SV2C: variants seen among roughly 807,000 people sequenced by gnomAD.
The protein encoded by SV2C is synaptic vesicle glycoprotein 2C, also known as solute carrier family 22 member B3.
A neutral mutation model predicts 79.7 loss-of-function variants in SV2C; 49 were observed. The observed-to-expected ratio is 0.61, with a 90% CI of 0.49 to 0.78. The LOEUF (loss-of-function observed/expected upper bound fraction) is 0.78. Ranked by LOEUF, SV2C falls within the 30% of genes least tolerant of loss-of-function variation. The probability of loss-of-function intolerance (pLI) is 0.00; values close to 1 mark genes in which losing one functional copy is unlikely to be tolerated. For synonymous variants in SV2C, 334 were observed against 333.2 expected (o/e 1.00, Z -0.03); for missense variants, 833 against 912.9 (o/e 0.91, Z 1.13).
chr5:76,145,287 T>C (rs1053890363), intron 2 of SV2C, among the ~76,000 whole-genome samples: 5 of 152,226 alleles, frequency 3.3e-5, no homozygotes, highest in Non-Finnish European at 7.3e-5. Context: ...AGGTACTTAC[T>C]TCAAAGTAGG....
At chr5:75,852,169 TG>T in the SV2C span, among the ~76,000 whole-genome samples, 1 of 151,450 alleles carries the variant, frequency 6.6e-6, no homozygotes, top group Non-Finnish European at 1.5e-5. Flanking sequence ...TGTCAGGTGG[TG>T]GGGGGCTGGG....
chr5:76,122,293 A>G (rs1232555616), intron 1 of SV2C, among the ~76,000 whole-genome samples: 1 of 151,542 alleles, frequency 6.6e-6, no homozygotes, highest in Non-Finnish European at 1.5e-5. Context: ...GGTTTTCTAG[A>G]TATACAATCA....
intron 3 of SV2C, among the ~76,000 whole-genome samples, chr5:76,197,714 A>ATAGATAGATAGATAGATAGATAGG (rs1744312630): frequency 6.6e-6 from 1 of 151,920 alleles, no homozygotes; most frequent in Non-Finnish European, 1.5e-5. Context: ...AGGCAGATAG[A>ATAGATAGATAGATAGATAGATAGG]TAGATAGATA....
At chr5:75,958,980 C>T in the SV2C span, among the ~76,000 whole-genome samples, 2 of 151,904 alleles carry the variant, frequency 1.3e-5, no homozygotes, top group East Asian at 3.9e-4. Context: ...TGATTTATAC[C>T]CATGCCCCCT....
intron 2 of SV2C, among the ~76,000 whole-genome samples, chr5:76,161,114 C>T (rs1580317495): frequency 6.6e-6 from 1 of 152,094 alleles, no homozygotes; most frequent in South Asian, 2.1e-4. Context: ...AAGGTGAAAG[C>T]AACCCAAATG....
chr5:76,119,561 T>C (rs1332936788), intron 1 of SV2C, among the ~76,000 whole-genome samples: 1 of 151,676 alleles, frequency 6.6e-6, no homozygotes, highest in Non-Finnish European at 1.5e-5. Context: ...GTAGGAAATA[T>C]CACCCACCTG....
intron 2 of SV2C, among the ~76,000 whole-genome samples, chr5:76,180,365 C>T (rs752592196): frequency 9.2e-5 from 14 of 152,178 alleles, no homozygotes; most frequent in Non-Finnish European, 7.3e-5. Context: ...CTGTTTTTCA[C>T]GCATTTTCTG....
chr5:76,176,069 A>G (rs936683832), intron 2 of SV2C, among the ~76,000 whole-genome samples: 1 of 152,156 alleles, frequency 6.6e-6, no homozygotes, highest in Non-Finnish European at 1.5e-5. Context: ...CCCAGGAGCA[A>G]TTTGTTATTT....
At chr5:75,950,430 T>C in the SV2C span, among the ~76,000 whole-genome samples, 1 of 152,028 alleles carries the variant, frequency 6.6e-6, no homozygotes, top group Non-Finnish European at 1.5e-5. Flanking sequence ...TATAAAACGA[T>C]GAATATTACA....
At chr5:76,035,598 C>T in the SV2C span, among the ~76,000 whole-genome samples, 2 of 124,942 alleles carry the variant, frequency 1.6e-5, no homozygotes, top group African/African-American at 3.3e-5. Flanking sequence ...AGTTTGATTG[C>T]ACTGTGATCT....
chr5:75,851,731 C>T, the SV2C span, among the ~76,000 whole-genome samples: 2 of 152,212 alleles, frequency 1.3e-5, no homozygotes, highest in African/African-American at 2.4e-5. Flanking sequence ...AGCTCCCCCT[C>T]CCGGGTTCAC....
intron 3 of SV2C, among the ~76,000 whole-genome samples, chr5:76,206,345 C>T (rs1301059749): frequency 6.6e-6 from 1 of 152,174 alleles, no homozygotes; most frequent in East Asian, 1.9e-4. Flanking sequence ...TCCTGGAATG[C>T]CCAGTGGGAT....
chr5:76,288,833 G>A (rs1332292594), intron 6 of SV2C, among the ~76,000 whole-genome samples: 1 of 151,214 alleles, frequency 6.6e-6, no homozygotes, highest in Non-Finnish European at 1.5e-5. Flanking sequence ...TTAAATCCAC[G>A]GTACAGCAAA....
At chr5:76,121,517 C>A (rs893017888) in intron 1 of SV2C, among the ~76,000 whole-genome samples, 1 of 151,462 alleles carries the variant, frequency 6.6e-6, no homozygotes, top group Non-Finnish European at 1.5e-5. Flanking sequence ...ACGTTTAAGT[C>A]TTTAATCCAT....
At chr5:76,234,800 A>G (rs1228046255) in intron 4 of SV2C, among the ~76,000 whole-genome samples, 1 of 152,224 alleles carries the variant, frequency 6.6e-6, no homozygotes, top group Admixed American at 6.5e-5. Flanking sequence ...ATAGCCAATC[A>G]AAAGTGTGGC....
the SV2C span, among the ~76,000 whole-genome samples, chr5:75,916,461 C>T: frequency 6.7e-6 from 1 of 149,748 alleles, no homozygotes; most frequent in African/African-American, 2.5e-5. Flanking sequence ...TCCTCCTTCT[C>T]TTCTTCCTCC....
the SV2C span, among the ~76,000 whole-genome samples, chr5:75,851,582 A>C: frequency 2.3e-3 from 356 of 152,108 alleles, 1 homozygote; most frequent in African/African-American, 8.3e-3. Flanking sequence ...TGATTACAAG[A>C]AAGAAAAGTC....
At chr5:76,290,259 A>C (rs2112503514) in intron 6 of SV2C, among the ~76,000 whole-genome samples, 1 of 152,240 alleles carries the variant, frequency 6.6e-6, no homozygotes, top group African/African-American at 2.4e-5. Context: ...TACTTGGTAT[A>C]ATTTGAAAGG....
At chr5:76,245,494 G>C (rs1745917596) in intron 4 of SV2C, among the ~76,000 whole-genome samples, 1 of 152,186 alleles carries the variant, frequency 6.6e-6, no homozygotes, top group South Asian at 2.1e-4. Context: ...TTTTATGGGA[G>C]CCTACAAGAG....
Sources: gnomAD v4.1 joint callset for allele counts (sites outside exome capture counted in the v4.1 genomes callset) on GRCh38, gnomAD v4.1.1 for gene constraint, MANE v1.5 for transcripts, NCBI Gene and HGNC (gene_info 2026-07-23, HGNC 2026-07-21) for gene names.